MED13: variants seen among roughly 807,000 people sequenced by gnomAD.
The protein encoded by MED13 is mediator complex subunit 13.
In MED13, 23 loss-of-function variants were observed where a neutral mutation model predicts 225.2. That is an observed-to-expected ratio of 0.10 (90% confidence interval 0.07 to 0.14). MED13 has a LOEUF of 0.14. Ranked by LOEUF, MED13 falls within the 10% of genes least tolerant of loss-of-function variation. The probability of loss-of-function intolerance (pLI) is 1.00; values close to 1 mark genes in which losing one functional copy is unlikely to be tolerated. For synonymous variants in MED13, 942 were observed against 889.2 expected (o/e 1.06, Z -1.06); for missense variants, 2,197 against 2,594.5 (o/e 0.85, Z 3.33).
chr17:62,005,561 G>A (rs2080438804), intron 9 of MED13: 1 of 152,248 alleles, frequency 6.6e-6, no homozygotes, highest in South Asian at 2.1e-4. Flanking sequence ...AGCCGAGACT[G>A]CGCCAATGCG....
intron 8 of MED13, among the ~76,000 whole-genome samples, chr17:62,026,224 C>T (rs1377107313): frequency 6.6e-6 from 1 of 152,088 alleles, no homozygotes; most frequent in Non-Finnish European, 1.5e-5. Flanking sequence ...ATAACCAAAC[C>T]TTATCAAAAG....
rs528473999 is a variant in MED13, at chr17:62,040,022, G to A, written c.471-4414C>T. On this transcript the variant is annotated intron_variant, in intron 3 of 29. Transcript: ENST00000397786. ...CCCAACCTCAAGTGATCCTCCTGCC[G>A]CAGCCTCTTAAGTAGCTTGAACTAC... Among the ~76,000 whole-genome samples the A allele has an allele frequency of 1.3e-4, 19 of 151,978 alleles. 1 individual carries two copies. The highest frequency in any genetic ancestry group is 4.4e-5 in the Non-Finnish European group (3 of 68,008).
chr17:61,988,182 T>TGC (rs1384163282), intron 11 of MED13, among the ~76,000 whole-genome samples: 1 of 152,202 alleles, frequency 6.6e-6, no homozygotes, highest in African/African-American at 2.4e-5. Context: ...AATGTCTCTG[T>TGC]GCCTCAATAC....
intron 23 of MED13, among the ~76,000 whole-genome samples, chr17:61,958,390 G>A (rs2079968007): frequency 6.6e-6 from 1 of 151,890 alleles, no homozygotes; most frequent in Admixed American, 6.6e-5. Context: ...CCAGGCTGGA[G>A]TGCAGTGGTG....
Position 61,966,617 on chromosome 17 carries a change from C to T in MED13, c.4226G>A (p.Arg1409Gln), listed in dbSNP as rs779513017. The part of the protein sequence containing the change: ...CRLGQHRPVS[R>Q]LLTDGIMRVG... Reference sequence around the variant, plus strand: ...TCTCATGATCCCATCTGTTAACAGTCGAGAAACAGGTCTATGTTGACCTAA... The same window carrying T: ...TCTCATGATCCCATCTGTTAACAGTTGAGAAACAGGTCTATGTTGACCTAA... Residue 1409 changes from arginine to glutamine, a missense_variant, in exon 19 of 30, where the codon CGA (arginine) becomes CAA (glutamine). This residue lies in a region of MED13 where 457 missense variants were observed against 442.2 expected (regional missense o/e 1.03). Coordinates refer to ENST00000397786, the MANE Select transcript of MED13 (RefSeq NM_005121.3). 1.6e-5 allele frequency: 26 copies of T among 1,612,692 alleles called. No homozygotes were observed. The Admixed American group carries it at 3.4e-4, about 21-fold the overall frequency.
intron 16 of MED13, among the ~76,000 whole-genome samples, chr17:61,980,318 A>G (rs2080193273): frequency 6.6e-6 from 1 of 152,006 alleles, no homozygotes; most frequent in South Asian, 2.1e-4. Flanking sequence ...TATAAATGTC[A>G]GCTCCATCCT....
At chr17:62,056,643 C>T (rs1389870367) in intron 2 of MED13, among the ~76,000 whole-genome samples, 1 of 152,010 alleles carries the variant, frequency 6.6e-6, no homozygotes. Context: ...TGCCTGTAGG[C>T]CCAGCTGCTG....
intron 3 of MED13, among the ~76,000 whole-genome samples, chr17:62,049,290 G>A (rs1468735377): frequency 6.6e-6 from 1 of 152,110 alleles, no homozygotes; most frequent in Non-Finnish European, 1.5e-5. Flanking sequence ...CTTGAAGGTA[G>A]GGAGAAGTGA....
intron 9 of MED13, among the ~76,000 whole-genome samples, chr17:62,008,317 C>CAAAAAAAAAAAAAAAAAAAAA (rs766909961): frequency 6.0e-5 from 2 of 33,208 alleles, no homozygotes; most frequent in African/African-American, 1.1e-4. Context: ...GGCTCTGTCT[C>CAAAAAAAAAAAAAAAAAAAAA]AAAAAAAAAA....
In MED13 at chr17:61,947,016, G is replaced by A; in HGVS notation, c.6293C>T (p.Ala2098Val). Residue 2098 changes from alanine to valine, a missense_variant and splice_region_variant, in exon 29 of 30, where the codon GCC becomes GTC. Transcript: ENST00000397786. ...TGAAGGCACGTGGAGGTGCAAAGAG[G>A]CCTAAGAAGGTAACAGGTAATCAAT... ...AQYQCPLFLK[A>V]SLHLHVPSVQ... The A allele has an allele frequency of 6.2e-7, 1 of 1,611,926 alleles. No individual in the cohort carries two copies. The highest frequency in any genetic ancestry group is 1.1e-5 in the South Asian group (1 of 90,986).
intron 23 of MED13, among the ~76,000 whole-genome samples, chr17:61,959,375 T>TA (rs960820684): frequency 9.1e-4 from 138 of 152,276 alleles, no homozygotes; most frequent in African/African-American, 3.1e-3. Context: ...AAAATGATAA[T>TA]ACTATTTTGA....
intron 20 of MED13, 58 bp from the exon 21 acceptor site, chr17:61,963,029 T>C: frequency 3.5e-6 from 5 of 1,447,496 alleles, no homozygotes; most frequent in Non-Finnish European, 3.9e-6. Context: ...TGGGGTAGCA[T>C]CTAAGCAGGT....
chr17:61,951,183 TA>T (rs2079893514), intron 27 of MED13, among the ~76,000 whole-genome samples, 185 bp from the exon 28 acceptor site: 1 of 152,214 alleles, frequency 6.6e-6, no homozygotes, highest in Non-Finnish European at 1.5e-5. Flanking sequence ...AAAGCATTAA[TA>T]GAACATATTT....
At chr17:62,046,150 A>C (rs1253954661) in intron 3 of MED13, among the ~76,000 whole-genome samples, 2 of 152,194 alleles carry the variant, frequency 1.3e-5, no homozygotes, top group African/African-American at 4.8e-5. Context: ...GAAATGCATT[A>C]ATTTATAATC....
At position 61,972,169 on chromosome 17, in the gene MED13, C is replaced by T. The variant is rs1031686891; in HGVS notation, c.3967+558G>A. Among the ~76,000 whole-genome samples, 8 of 152,216 alleles carry T rather than the reference C, an allele frequency of 5.3e-5. No homozygotes were observed. In the East Asian group the frequency reaches 5.8e-4, roughly 11 times the overall value. On this transcript the variant is annotated intron_variant, in intron 17 of 29. Transcript: ENST00000397786. ...AAATATATCTGAAAAACTCCAATTA[C>T]GGCCCACCTTTCAGAGACAATCTTC...
In MED13 at chr17:62,033,988, G is replaced by C. The variant is rs764125919; in HGVS notation, c.617-4C>G. ...AGTCCAAATGGGCATAAGATAACTA[G>C]AAACCCAAAGCAGACATCAAATAAG... On this transcript the variant is annotated splice_polypyrimidine_tract_variant and splice_region_variant and intron_variant, in intron 4 of 29. Coordinates refer to ENST00000397786, the MANE Select transcript of MED13 (RefSeq NM_005121.3). 5.6e-6 allele frequency: 9 copies of C among 1,612,572 alleles called. No individual in the cohort carries two copies. In the East Asian group the frequency reaches 1.8e-4, roughly 32 times the overall value.
At chr17:62,016,866 C>T (rs1417061889) in intron 8 of MED13, among the ~76,000 whole-genome samples, 3 of 151,758 alleles carry the variant, frequency 2.0e-5, no homozygotes, top group Non-Finnish European at 2.9e-5. Context: ...AAAAATTAGC[C>T]GGGTGTGGTG....
chr17:61,993,345 G>A (rs1241680624), intron 10 of MED13, among the ~76,000 whole-genome samples: 2 of 151,006 alleles, frequency 1.3e-5, no homozygotes, highest in African/African-American at 2.4e-5. Flanking sequence ...GAGATTACAG[G>A]CATGCACCAC....
intron 3 of MED13, among the ~76,000 whole-genome samples, chr17:62,037,305 AG>A (rs1407396858): frequency 6.6e-6 from 1 of 152,076 alleles, no homozygotes; most frequent in Non-Finnish European, 1.5e-5. Context: ...TGTAACTGAC[AG>A]AAAAACTAAA....
Sources: allele counts gnomAD v4.1 joint callset (sites outside exome capture counted in the v4.1 genomes callset), GRCh38; gene constraint gnomAD v4.1.1; regional missense constraint gnomAD v4.1.1; transcripts MANE v1.5; gene names NCBI Gene and HGNC (gene_info 2026-07-23, HGNC 2026-07-21).